The following KATNAL2 variants were observed in gnomAD, a reference collection of about 807,000 sequenced individuals.
KATNAL2 encodes katanin p60 ATPase-containing subunit A-like 2.
KATNAL2 carries 52 observed loss-of-function variants against 76.3 expected under a neutral mutation model. The ratio of observed to expected loss-of-function variants is 0.68; its 90% CI spans 0.55 to 0.86. The LOEUF (loss-of-function observed/expected upper bound fraction) is 0.86. Among genes scored for constraint, KATNAL2 ranks in the 40% least tolerant of loss-of-function variants. The probability of loss-of-function intolerance (pLI) is 0.00; values close to 1 mark genes in which losing one functional copy is unlikely to be tolerated. For missense variants in KATNAL2, 660 were observed against 668.9 expected, an observed-to-expected ratio of 0.99 and a Z score of 0.15; for synonymous variants, 243 against 244.2, an observed-to-expected ratio of 1.00 and a Z score of 0.05.
intron 13 of KATNAL2, among the ~76,000 whole-genome samples, chr18:47,073,690 A>G (rs1262016998): frequency 6.6e-6 from 1 of 152,160 alleles, no homozygotes; most frequent in Non-Finnish European, 1.5e-5. Flanking sequence ...GCTGATCGCT[A>G]CTGAATAGTT....
At chr18:47,042,230 CCTGA>C (rs2060989390) in intron 3 of KATNAL2, among the ~76,000 whole-genome samples, 1 of 151,996 alleles carries the variant, frequency 6.6e-6, no homozygotes, top group Admixed American at 6.6e-5. Context: ...TTCTGAGAGC[CCTGA>C]CTTTTATTTA....
intron 1 of KATNAL2, among the ~76,000 whole-genome samples, chr18:46,932,018 C>G (rs1478236280): frequency 3.3e-5 from 5 of 151,386 alleles, no homozygotes; most frequent in African/African-American, 1.2e-4. Context: ...TCAAGTGATT[C>G]TCCCACCTCA....
At chr18:46,969,062 T>TGA in intron 3 of KATNAL2, 1 of 1,122,936 alleles carries the variant, frequency 8.9e-7, no homozygotes, top group South Asian at 1.4e-5. Context: ...TCGCAGCCGC[T>TGA]GCTCTCGGGC....
At chr18:46,942,708 T>C (rs11082562) in intron 1 of KATNAL2, among the ~76,000 whole-genome samples, 80,619 of 152,022 alleles carry the variant, frequency 0.53, 21,650 homozygotes, top group Middle Eastern at 0.57. Context: ...CCTTTCTTGA[T>C]TACAATAATA....
chr18:47,069,333 G>A, intron 12 of KATNAL2, 50 bp downstream of exon 12: 2 of 1,502,816 alleles, frequency 1.3e-6, no homozygotes, highest in Non-Finnish European at 1.8e-6. Context: ...GTGTGCAGAG[G>A]ATGAGTTGCC....
Position 47,062,848 on chromosome 18 carries a change from C to A in KATNAL2, c.550-124C>A, listed in dbSNP as rs573760217. ...ATACTAGTGCTGGTTCTTTTTAAAG[C>A]TTAACTTGAAGTTTGCCCTATATAC... On this transcript the variant is annotated intron_variant, in intron 8 of 17. Coordinates refer to ENST00000683218, the MANE Select transcript of KATNAL2 (RefSeq NM_001387690.1). 8 of 613,244 alleles carry A rather than the reference C, an allele frequency of 1.3e-5. No homozygotes were observed. The East Asian group carries it at 2.2e-4, about 17-fold the overall frequency. The allele number at this position is 613,244 out of a possible 1,614,324, so 38.0% of individuals were successfully genotyped here.
chr18:47,061,072 GC>G (rs1351197088), intron 8 of KATNAL2, among the ~76,000 whole-genome samples: 2 of 152,188 alleles, frequency 1.3e-5, no homozygotes, highest in African/African-American at 4.8e-5. Context: ...AATGTAGATG[GC>G]TTTCTCCCTA....
At chr18:47,033,185 C>T (rs749156599) in intron 3 of KATNAL2, 3 of 1,614,076 alleles carry the variant, frequency 1.9e-6, no homozygotes, top group Admixed American at 3.3e-5. Context: ...CTGTCTCTGC[C>T]ACCGCCGCTG....
chr18:47,075,174 C>T, intron 13 of KATNAL2, 103 bp from the exon 14 acceptor site: 1 of 827,422 alleles, frequency 1.2e-6, no homozygotes, highest in South Asian at 2.2e-5. Context: ...CAGAGTGCAG[C>T]ATAAATGCTT....
In KATNAL2 at chr18:47,033,989, A is replaced by T. The variant is rs747676826; in HGVS notation, c.52-12468A>T. On this transcript the variant is annotated intron_variant, in intron 3 of 17. Transcript: ENST00000683218. ...TGGACAGGAGGCAATTTCTTAGCCG[A>T]ATCCCAGGACTCACGAGTGCCCTTG... The T allele has an allele frequency of 3.8e-5, 62 of 1,613,624 alleles. 1 individual carries two copies. Among genetic ancestry groups the T allele is most frequent in the Non-Finnish European group, 5.2e-5 (61 of 1,180,052 alleles).
In KATNAL2 at chr18:47,067,116, A is replaced by G; in HGVS notation, c.822A>G (p.Ile274Met). ...QLVKEAVVYP[I>M]RYPQLFTGIL... is the part of the protein sequence containing the mutation. ...TCAAAGAAGCTGTTGTGTATCCTAT[A>G]AGGGTAAGGACGGGAAGCCTCTTGG... The change falls in exon 11 of 18, where the codon ATA becomes ATG. Residue 274 changes from isoleucine (I) to methionine (M), a missense_variant. Transcript: ENST00000683218. 1 of 1,541,592 alleles carries G rather than the reference A, an allele frequency of 6.5e-7. No homozygotes were observed. The highest frequency in any genetic ancestry group is 1.2e-5 in the South Asian group (1 of 82,244).
intron 1 of KATNAL2, among the ~76,000 whole-genome samples, chr18:46,919,005 ATATGTGTGTGTGTG>A (rs1248356805): frequency 1.2e-4 from 18 of 147,180 alleles, no homozygotes; most frequent in African/African-American, 4.7e-4. Flanking sequence ...GTATATATAT[ATATGTGTGTGTGTG>A]TGTGTGTGTG....
In KATNAL2 at chr18:47,063,320, A is replaced by G; in HGVS notation, c.685A>G (p.Met229Val). 8 of 1,614,004 alleles carry G rather than the reference A, an allele frequency of 5.0e-6. No individual in the cohort carries two copies. Among genetic ancestry groups the G allele is most frequent in the Non-Finnish European group, 5.9e-6 (7 of 1,179,922 alleles). Residue 229 changes from methionine (M) to valine (V), a missense_variant, in exon 10 of 18, where the codon ATG (methionine) becomes GTG (valine). By Grantham distance (21) the Met-to-Val change is conservative. Coordinates refer to ENST00000683218, the MANE Select transcript of KATNAL2 (RefSeq NM_001387690.1). ...LLKPLSAFIG[M>V]NSEMRELAAV... ...GAAACCTCTGAGTGCATTTATTGGC[A>G]TGAACAGTGAGATGCGAGAATTGGC...
chr18:47,101,081 A>C lies in KATNAL2; in HGVS notation c.*76A>C. ...GTTTATTAATGTCCGTGGGAGAACA[A>C]AATGATTGGAATGGAAAAGAGAAAA... On this transcript the variant is annotated 3_prime_UTR_variant, in exon 18 of 18. Coordinates refer to ENST00000683218, the MANE Select transcript of KATNAL2 (RefSeq NM_001387690.1). 2 of 1,514,452 alleles carry C rather than the reference A, an allele frequency of 1.3e-6. No individual in the cohort carries two copies. The highest frequency in any genetic ancestry group is 1.8e-6 in the Non-Finnish European group (2 of 1,099,738). 93.8% of individuals were successfully genotyped at this position (1,514,452 alleles called of 1,614,324 possible).
chr18:46,953,911 G>C (rs2059643993), intron 3 of KATNAL2, among the ~76,000 whole-genome samples: 1 of 151,816 alleles, frequency 6.6e-6, no homozygotes, highest in Non-Finnish European at 1.5e-5. Context: ...TTATGTGTAG[G>C]TCTTTTTTCT....
Position 47,071,953 on chromosome 18 carries a change from C to CTTTTTTTTTTTTTT in KATNAL2, c.1008+2378_1008+2391dup, listed in dbSNP as rs574265545. ...GAAACAATTCCTCTCCCAATTTCTT[C>CTTTTTTTTTTTTTT]TTTTTTTTTTTTTTTTTTTTTTTTT... On this transcript the variant is annotated intron_variant, in intron 13 of 17. Coordinates refer to ENST00000683218, the MANE Select transcript of KATNAL2 (RefSeq NM_001387690.1). Among the ~76,000 whole-genome samples, 8 of 43,950 alleles carry CTTTTTTTTTTTTTT rather than the reference C, an allele frequency of 1.8e-4. 2 individuals are homozygous for CTTTTTTTTTTTTTT. The highest frequency in any genetic ancestry group is 8.4e-4 in the African/African-American group (7 of 8,338). 28.8% of individuals were successfully genotyped at this position (43,950 alleles called of 152,430 possible).
intron 15 of KATNAL2, chr18:47,084,562 C>T: frequency 1.7e-6 from 1 of 597,454 alleles, no homozygotes; most frequent in Admixed American, 2.8e-5. Context: ...TAAAATACGA[C>T]TGTGGGCCAG....
At chr18:47,067,697 TG>T (rs1216775763) in intron 11 of KATNAL2, among the ~76,000 whole-genome samples, 1 of 152,226 alleles carries the variant, frequency 6.6e-6, no homozygotes, top group Non-Finnish European at 1.5e-5. Flanking sequence ...GATTTACAAA[TG>T]GGTTAATGAG....
At chr18:46,923,601 G>A (rs959013198) in intron 1 of KATNAL2, among the ~76,000 whole-genome samples, 2 of 152,052 alleles carry the variant, frequency 1.3e-5, no homozygotes, top group African/African-American at 2.4e-5. Context: ...GTAATGGGAC[G>A]GCTGGGTCAA....
Sources: gnomAD v4.1 joint callset for allele counts (sites outside exome capture counted in the v4.1 genomes callset) on GRCh38, gnomAD v4.1.1 for gene constraint, MANE v1.5 for transcripts, NCBI Gene and HGNC (gene_info 2026-07-23, HGNC 2026-07-21) for gene names.